The following GHRHR variants were observed in gnomAD, a reference collection of about 807,000 sequenced individuals.
GHRHR encodes growth hormone-releasing hormone receptor.
GHRHR carries 40 observed loss-of-function variants against 58.3 expected under a neutral mutation model. That is an observed-to-expected ratio of 0.69 (90% CI 0.53 to 0.89). The LOEUF (loss-of-function observed/expected upper bound fraction) is 0.89. Ranked by LOEUF, GHRHR falls within the 40% of genes least tolerant of loss-of-function variation. The pLI is 0.00. For missense variants in GHRHR, 551 were observed against 541.3 expected, an observed-to-expected ratio of 1.02 and a Z score of -0.18; for synonymous variants, 249 against 216.6, an observed-to-expected ratio of 1.15 and a Z score of -1.31.
intron 1 of GHRHR, among the ~76,000 whole-genome samples, chr7:30,965,047 C>T (rs558599810): frequency 6.6e-6 from 1 of 152,182 alleles, no homozygotes; most frequent in African/African-American, 2.4e-5. Flanking sequence ...AGTTCCTCAG[C>T]CTTCCTGAGT....
At chr7:30,971,682 G>A (rs1417744569) in intron 5 of GHRHR, among the ~76,000 whole-genome samples, 1 of 152,060 alleles carries the variant, frequency 6.6e-6, no homozygotes. Context: ...GCTCCCATGG[G>A]CAGTACCTGC....
chr7:30,965,961 G>T (rs1272608117), intron 1 of GHRHR, among the ~76,000 whole-genome samples: 1 of 152,220 alleles, frequency 6.6e-6, no homozygotes, highest in Non-Finnish European at 1.5e-5. Context: ...GAAGCCAAGA[G>T]CTGAGTCCGG....
chr7:30,964,580 C>T (rs1462458629), intron 1 of GHRHR, among the ~76,000 whole-genome samples: 1 of 151,940 alleles, frequency 6.6e-6, no homozygotes, highest in Non-Finnish European at 1.5e-5. Context: ...CTTCCTTAGC[C>T]CTATGACTCC....
At chr7:30,967,382 C>T (rs568980587) in intron 1 of GHRHR, among the ~76,000 whole-genome samples, 13 of 152,122 alleles carry the variant, frequency 8.5e-5, no homozygotes, top group Admixed American at 8.5e-4. Flanking sequence ...TAGAAGATTC[C>T]CAAAAAAACC....
chr7:30,969,228 G>T (rs1792430209), intron 3 of GHRHR, 58 bp downstream of exon 3: 2 of 1,182,570 alleles, frequency 1.7e-6, no homozygotes, highest in Non-Finnish European at 2.4e-6. Flanking sequence ...GGAAGTGGCA[G>T]AATCATCACT....
chr7:30,975,593 AC>A (rs1792560542), intron 9 of GHRHR, among the ~76,000 whole-genome samples, 183 bp from the exon 10 acceptor site: 1 of 151,358 alleles, frequency 6.6e-6, no homozygotes, highest in African/African-American at 2.4e-5. Flanking sequence ...CAAATGTGGG[AC>A]CCCCGCCCCC....
At chr7:30,975,136 G>T in intron 9 of GHRHR, 96 bp downstream of exon 9, 1 of 882,118 alleles carries the variant, frequency 1.1e-6, no homozygotes, top group Non-Finnish European at 1.9e-6. Flanking sequence ...TCCAGGCTGG[G>T]TGTCTTGAAA....
intron 6 of GHRHR, among the ~76,000 whole-genome samples, chr7:30,973,276 T>A (rs1792511605): frequency 6.6e-6 from 1 of 152,152 alleles, no homozygotes; most frequent in African/African-American, 2.4e-5. Context: ...GTCTTAGGGG[T>A]GACAGAGATG....
intron 9 of GHRHR, 136 bp from the exon 10 acceptor site, chr7:30,975,641 T>C (rs946778086): frequency 1.2e-5 from 8 of 691,178 alleles, no homozygotes; most frequent in East Asian, 2.8e-5. Context: ...CAATGATCTG[T>C]GCATTCATTC....
At chr7:30,964,176 G>C (rs1180655367) in intron 1 of GHRHR, 51 bp downstream of exon 1, 2 of 1,465,052 alleles carry the variant, frequency 1.4e-6, no homozygotes, top group East Asian at 2.5e-5. Context: ...CTCCAGATTT[G>C]GGAGCCACAG....
chr7:30,971,167 AT>A lies in GHRHR; in HGVS notation c.416del (p.Ile139ThrfsTer4), dbSNP rs1562593591. On this transcript the variant is annotated frameshift_variant, in exon 5 of 13. Transcript: ENST00000326139. LOFTEE classifies it high-confidence loss of function. ...GATTATCTACACCGTGGGCCATAGC[AT>A]CTCTATTGTAGCCCTCTTCGTGGCC... ...VKIIYTVGHS[I>X]SIVALFVAIT... The A allele has an allele frequency of 6.5e-7, 1 of 1,535,494 alleles. No homozygotes were observed. Among genetic ancestry groups the A allele is most frequent in the Admixed American group, 1.9e-5 (1 of 51,938 alleles).
Position 30,964,273 on chromosome 7 carries a change from A to G in GHRHR, c.57+148A>G, listed in dbSNP as rs1024336651. 21 of 752,786 alleles carry G rather than the reference A, an allele frequency of 2.8e-5. No homozygotes were observed. In the Middle Eastern group the frequency reaches 1.1e-3, roughly 38 times the overall value. The allele number at this position is 752,786 out of a possible 1,614,324, so 46.6% of individuals were successfully genotyped here. ...GAGCAGGTGGCAGGCTGTGGCTTGGAGAGCCCCTGACACTGGGGCTCCCTC... is the reference window on the plus strand; with the variant it reads ...GAGCAGGTGGCAGGCTGTGGCTTGGGGAGCCCCTGACACTGGGGCTCCCTC... On this transcript the variant is annotated intron_variant, in intron 1 of 12. Coordinates refer to ENST00000326139, the MANE Select transcript of GHRHR (RefSeq NM_000823.4).
intron 8 of GHRHR, 56 bp from the exon 9 acceptor site, chr7:30,974,915 G>A (rs1247923043): frequency 2.1e-5 from 23 of 1,116,630 alleles, no homozygotes; most frequent in Non-Finnish European, 3.2e-5. Context: ...GGAGGTGCCT[G>A]CGTCACCACA....
chr7:30,969,559 C>T (rs1792437653), intron 3 of GHRHR: 2 of 602,924 alleles, frequency 3.3e-6, no homozygotes, highest in South Asian at 4.0e-5. Context: ...GGTGCTGGGA[C>T]AGTGAGGGCC....
rs10224907 is a variant in GHRHR, at chr7:30,971,734, G to T, written c.465-229G>T. 0.06 allele frequency among the ~76,000 whole-genome samples: 9,083 copies of T among 152,218 alleles called. 356 individuals carry two copies. Among genetic ancestry groups the T allele is most frequent in the African/African-American group, 0.099 (4,096 of 41,538 alleles). On this transcript the variant is annotated intron_variant, in intron 5 of 12. Coordinates refer to ENST00000326139, the MANE Select transcript of GHRHR (RefSeq NM_000823.4). Reference sequence around the variant, plus strand: ...CCCTGAGACTGTGAGCACCCTCGAGGCAGGGACCAGATATTCCTCTCTTTC... The same window carrying T: ...CCCTGAGACTGTGAGCACCCTCGAGTCAGGGACCAGATATTCCTCTCTTTC...
chr7:30,965,530 C>T (rs182026626), intron 1 of GHRHR, among the ~76,000 whole-genome samples: 27 of 152,334 alleles, frequency 1.8e-4, no homozygotes, highest in African/African-American at 6.5e-4. Context: ...CACTTCCCTC[C>T]CTAGAATCTC....
At chr7:30,976,730 A>T (rs1792592550) in intron 11 of GHRHR, among the ~76,000 whole-genome samples, 172 bp downstream of exon 11, 1 of 152,082 alleles carries the variant, frequency 6.6e-6, no homozygotes. Context: ...GTATTCAACT[A>T]CCCATGCATT....
intron 11 of GHRHR, among the ~76,000 whole-genome samples, chr7:30,977,025 C>T (rs1298480134): frequency 6.6e-6 from 1 of 152,180 alleles, no homozygotes. Context: ...AAGTGTTGTG[C>T]TCATTCACAA....
chr7:30,968,952 G>A lies in GHRHR; in HGVS notation c.160+16G>A. On this transcript the variant is annotated intron_variant, in intron 2 of 12. Transcript: ENST00000326139. ...ACCACCCTGGGTATGGGGCCTAGGA[G>A]GCAGGTGGTGGCTTCTCTGATTCCT... 1 of 1,584,400 alleles carries A rather than the reference G, an allele frequency of 6.3e-7. No homozygotes were observed. The highest frequency in any genetic ancestry group is 8.7e-7 in the Non-Finnish European group (1 of 1,153,096).
Sources: allele counts gnomAD v4.1 joint callset (sites outside exome capture counted in the v4.1 genomes callset), GRCh38; gene constraint gnomAD v4.1.1; transcripts MANE v1.5; gene names NCBI Gene and HGNC (gene_info 2026-07-23, HGNC 2026-07-21).